LMX1B: variants seen among roughly 807,000 people sequenced by gnomAD.
LMX1B encodes LIM homeobox transcription factor 1 beta.
LMX1B carries 12 observed loss-of-function variants against 51.4 expected under a neutral mutation model. That is an observed-to-expected ratio of 0.23 (90% CI 0.15 to 0.38). The LOEUF (loss-of-function observed/expected upper bound fraction) is 0.38, where lower values mean the gene tolerates loss of function less well. Ranked by LOEUF, LMX1B falls within the 10% of genes least tolerant of loss-of-function variation. LMX1B has a pLI of 1.00. For missense variants in LMX1B, 445 were observed against 571.1 expected, an observed-to-expected ratio of 0.78 and a Z score of 2.25; for synonymous variants, 237 against 235.4, an observed-to-expected ratio of 1.01 and a Z score of -0.06.
Position 126,695,978 on chromosome 9 carries a change from G to T in LMX1B, c.1026G>T (p.Met342Ile). The T allele has an allele frequency of 6.2e-7, 1 of 1,611,574 alleles. No homozygotes were observed. Residue 342 changes from methionine (M) to isoleucine (I), a missense_variant, in exon 7 of 8, where the codon ATG becomes ATT. This residue lies in a region of LMX1B where 162 missense variants were observed against 187.8 expected (regional missense o/e 0.86). Coordinates refer to ENST00000373474, the MANE Select transcript of LMX1B (RefSeq NM_001174147.2). This position sits in a 1 kb window ranked among gnomAD's most constrained non-coding sequence, Gnocchi z 5.2. ...PFQQGLTPPQ[M>I]PGDHMNPYGN... is the part of the protein sequence containing the mutation. ...AGCAGGGCCTCACGCCGCCCCAAAT[G>T]CCAGGTGACCACATGAACCCCTATG...
intron 2 of LMX1B, among the ~76,000 whole-genome samples, chr9:126,633,203 C>A (rs1022690005): frequency 3.9e-5 from 6 of 152,178 alleles, no homozygotes; most frequent in Admixed American, 2.6e-4. Flanking sequence ...GTAGCACTTG[C>A]TAGAGGTGCA....
At chr9:126,679,852 A>G (rs1463087271) in intron 2 of LMX1B, among the ~76,000 whole-genome samples, 1 of 152,008 alleles carries the variant, frequency 6.6e-6, no homozygotes, top group African/African-American at 2.4e-5. Flanking sequence ...AGACACACAC[A>G]TTCCCATCCC....
rs1303339877 is a variant in LMX1B at position 126,677,795 on chromosome 9, T to C, written c.327-13041T>C. On this transcript the variant is annotated intron_variant, in intron 2 of 7. Coordinates refer to ENST00000373474, the MANE Select transcript of LMX1B (RefSeq NM_001174147.2). The surrounding 1 kb of genome is among the most constrained non-coding windows in gnomAD (Gnocchi z 5.0). ...GAGCACAGGGCATGTACTCAGGGCA[T>C]TGCGGGGAGGAGGAAGCTTAGTCCA... is the stretch of plus-strand genomic sequence containing the variant. 6.6e-6 allele frequency among the ~76,000 whole-genome samples: 1 copy of C among 152,120 alleles called. No individual in the cohort carries two copies. Among genetic ancestry groups the C allele is most frequent in the African/African-American group, 2.4e-5 (1 of 41,416 alleles).
rs2030321320 is a variant in LMX1B, at chr9:126,696,092, C to T, written c.1051+89C>T. The T allele has an allele frequency of 2.0e-5, 26 of 1,302,766 alleles. No individual in the cohort carries two copies. In the East Asian group the frequency reaches 6.4e-4, roughly 32 times the overall value. The allele number at this position is 1,302,766 out of a possible 1,614,324, so 80.7% of individuals were successfully genotyped here. A position where few individuals can be genotyped will look rare whatever the true frequency, so the allele number is the denominator to read the frequency against. ...GGCCTGGGGCCAGGACAGCCACCTG[C>T]TGCCCTAGGGCTCAGGCAGCATGGC... On this transcript the variant is annotated intron_variant, in intron 7 of 7. Transcript: ENST00000373474.
chr9:126,669,670 G>A (rs556076853), intron 2 of LMX1B, among the ~76,000 whole-genome samples: 2 of 152,296 alleles, frequency 1.3e-5, no homozygotes, highest in South Asian at 4.1e-4. Flanking sequence ...GTGTACGTCT[G>A]TATATGGCAG....
intron 2 of LMX1B, among the ~76,000 whole-genome samples, chr9:126,659,588 T>C (rs1836188880): frequency 6.6e-6 from 1 of 152,198 alleles, no homozygotes; most frequent in Non-Finnish European, 1.5e-5. Flanking sequence ...TTAGAGATTG[T>C]CCTGTATGTG....
chr9:126,696,056 C>A, intron 7 of LMX1B, 53 bp downstream of exon 7: 1 of 1,441,308 alleles, frequency 6.9e-7, no homozygotes, highest in Non-Finnish European at 9.2e-7. Flanking sequence ...TGCCCCCTGC[C>A]AGGCCAGGCA....
intron 1 of LMX1B, 113 bp downstream of exon 1, chr9:126,614,701 G>C (rs937662726): frequency 3.2e-5 from 39 of 1,201,864 alleles, no homozygotes; most frequent in Non-Finnish European, 3.9e-5. Context: ...TGCAGGACAT[G>C]GGGAGGAGGC....
Position 126,651,114 on chromosome 9 carries a change from CCTCTCTCCCTCCCCATCTCTCTCT to C in LMX1B, c.326+35575_326+35598del, listed in dbSNP as rs1395224106. ...CCAGGGTGGAGGAGAAGGGCCTGCC[CCTCTCTCCCTCCCCATCTCTCTCT>C]CTCTCTCCCTCCCCATCTCTCTCTC... On this transcript the variant is annotated intron_variant, in intron 2 of 7. Transcript: ENST00000373474. 3.1e-4 allele frequency among the ~76,000 whole-genome samples: 47 copies of C among 151,934 alleles called. No individual in the cohort carries two copies. In the East Asian group the frequency reaches 3.5e-3, roughly 11 times the overall value.
intron 2 of LMX1B, among the ~76,000 whole-genome samples, chr9:126,655,978 G>A (rs562842428): frequency 5.9e-5 from 9 of 152,276 alleles, no homozygotes; most frequent in African/African-American, 1.9e-4. Context: ...TAAAAGCAGA[G>A]GATCAAATCC....
rs1836579733 is a variant in LMX1B at position 126,677,201 on chromosome 9, C to T, written c.327-13635C>T. Among the ~76,000 whole-genome samples the T allele has an allele frequency of 6.6e-6, 1 of 152,202 alleles. No individual in the cohort carries two copies. Among genetic ancestry groups the T allele is most frequent in the Non-Finnish European group, 1.5e-5 (1 of 68,040 alleles). On this transcript the variant is annotated intron_variant, in intron 2 of 7. Transcript: ENST00000373474. This position sits in a 1 kb window ranked among gnomAD's most constrained non-coding sequence, Gnocchi z 5.0. ...ATGTGGTCCCCCAGATTCTCTTCTC[C>T]ATCCCTGGGAGAGGGTCCCCATCTC... is the stretch of plus-strand genomic sequence containing the variant.
chr9:126,696,016 A>ACCCCAC lies in LMX1B; in HGVS notation c.1051+17_1051+18insACCCCC. Reference sequence around the variant, plus strand: ...ATGAACCCCTATGGTAAGCCGCCCTACCCCCACCCGCCCGCCCCAGCACAG... The same window carrying ACCCCAC: ...ATGAACCCCTATGGTAAGCCGCCCTACCCCACCCCCCACCCGCCCGCCCCAGCACAG... On this transcript the variant is annotated intron_variant, in intron 7 of 7. Transcript: ENST00000373474. 2 of 1,512,702 alleles carry ACCCCAC rather than the reference A, an allele frequency of 1.3e-6. No individual in the cohort carries two copies. The highest frequency in any genetic ancestry group is 3.8e-5 in the Admixed American group (2 of 53,044). 93.7% of individuals were successfully genotyped at this position (1,512,702 alleles called of 1,614,324 possible).
intron 2 of LMX1B, among the ~76,000 whole-genome samples, chr9:126,635,525 G>A (rs189524055): frequency 3.9e-4 from 60 of 152,310 alleles, no homozygotes; most frequent in African/African-American, 1.3e-3. Context: ...TTTGAGATTC[G>A]GGGGAATAAC....
At chr9:126,670,127 A>G (rs773022559) in intron 2 of LMX1B, among the ~76,000 whole-genome samples, 4 of 152,148 alleles carry the variant, frequency 2.6e-5, no homozygotes, top group Non-Finnish European at 2.9e-5. Flanking sequence ...GTGTGCCTCA[A>G]TCTCCCAGAA....
rs1421871903 is a variant in LMX1B, at chr9:126,697,379, C to T, written c.*928C>T. The T allele has an allele frequency of 6.6e-6, 1 of 152,530 alleles. No individual in the cohort carries two copies. The highest frequency in any genetic ancestry group is 2.4e-5 in the African/African-American group (1 of 41,552). 9.4% of individuals were successfully genotyped at this position (152,530 alleles called of 1,614,324 possible). A position where few individuals can be genotyped will look rare whatever the true frequency, so the allele number is the denominator to read the frequency against. On this transcript the variant is annotated 3_prime_UTR_variant, in exon 8 of 8. Coordinates refer to ENST00000373474, the MANE Select transcript of LMX1B (RefSeq NM_001174147.2). ...AGCATCAGACCAGACAACAGAGCCT[C>T]CAGGGGTCAGGGACTTCAGAAGCAC... is the stretch of plus-strand genomic sequence containing the variant.
In LMX1B at chr9:126,626,574, A is replaced by T. The variant is rs1243973565; in HGVS notation, c.326+11005A>T. On this transcript the variant is annotated intron_variant, in intron 2 of 7. Transcript: ENST00000373474. This position sits in a 1 kb window ranked among gnomAD's most constrained non-coding sequence, Gnocchi z 4.3. ...GGAGCCCCCTCTGCAATCCCGGCTC[A>T]GTCGGCAACCGGCCCTTCCTTCCAG... Among the ~76,000 whole-genome samples the T allele has an allele frequency of 6.6e-6, 1 of 152,162 alleles. No individual in the cohort carries two copies. Among genetic ancestry groups the T allele is most frequent in the Non-Finnish European group, 1.5e-5 (1 of 68,018 alleles).
chr9:126,642,379 C>T (rs1167153926), intron 2 of LMX1B, among the ~76,000 whole-genome samples: 5 of 152,196 alleles, frequency 3.3e-5, no homozygotes, highest in East Asian at 1.9e-4. Context: ...GGTGGTTCAC[C>T]GTCTTTCTTC....
At chr9:126,682,976 G>A (rs1836704355) in intron 2 of LMX1B, among the ~76,000 whole-genome samples, 1 of 151,336 alleles carries the variant, frequency 6.6e-6, no homozygotes, top group African/African-American at 2.4e-5. Context: ...GGCCAGGCTG[G>A]CCTGGGATGG....
At chr9:126,633,717 T>TACAGC (rs1835669210) in intron 2 of LMX1B, among the ~76,000 whole-genome samples, 1 of 152,238 alleles carries the variant, frequency 6.6e-6, no homozygotes, top group Non-Finnish European at 1.5e-5. Flanking sequence ...GACATGGTTA[T>TACAGC]ACAGCACGCA....
Sources: allele counts gnomAD v4.1 joint callset (sites outside exome capture counted in the v4.1 genomes callset), GRCh38; gene constraint gnomAD v4.1.1; regional missense constraint gnomAD v4.1.1; non-coding constraint Gnocchi (gnomAD v3.1); transcripts MANE v1.5; gene names NCBI Gene and HGNC (gene_info 2026-07-23, HGNC 2026-07-21).